The following CDH13 variants were observed in gnomAD, a reference collection of about 807,000 sequenced individuals.
CDH13 encodes the protein cadherin-13.
Under a neutral mutation model 63.8 loss-of-function variants are expected in CDH13, and 24 were observed. The observed-to-expected ratio is 0.38, with a 90% CI of 0.27 to 0.53. The LOEUF is 0.53. Ranked by LOEUF, CDH13 falls within the 20% of genes least tolerant of loss-of-function variation. The pLI, the probability that CDH13 is intolerant of heterozygous loss-of-function variation, is 0.85. For missense variants in CDH13, 1,049 were observed against 903.1 expected, an observed-to-expected ratio of 1.16 and a Z score of -2.07; for synonymous variants, 503 against 355.3, an observed-to-expected ratio of 1.42 and a Z score of -4.67.
chr16:83,206,440 G>C (rs994152328), intron 4 of CDH13, among the ~76,000 whole-genome samples: 1 of 152,108 alleles, frequency 6.6e-6, no homozygotes, highest in Admixed American at 6.5e-5. Flanking sequence ...GTGCTGCAAT[G>C]GCAGATCCCT....
rs72805917 is a variant in CDH13 at position 82,746,871 on chromosome 16, T to A, written c.46-111491T>A. The stretch of plus-strand genomic sequence containing the variant: ...TTGTAACGATCACTTATAATGTAAC[T>A]CCCTGGAATATTAAAACAATTGTTA... On this transcript the variant is annotated intron_variant, in intron 1 of 13. Transcript: ENST00000567109. 3.6e-3 allele frequency among the ~76,000 whole-genome samples: 544 copies of A among 152,280 alleles called. 4 individuals are homozygous for A. Among genetic ancestry groups the A allele is most frequent in the Middle Eastern group, 6.8e-3 (2 of 294 alleles).
intron 1 of CDH13, among the ~76,000 whole-genome samples, chr16:82,641,085 A>G (rs961519990): frequency 2.6e-5 from 4 of 152,198 alleles, no homozygotes; most frequent in African/African-American, 9.6e-5. Flanking sequence ...TGAGGTGGTC[A>G]CAGTCATGGG....
intron 10 of CDH13, among the ~76,000 whole-genome samples, chr16:83,743,911 C>G (rs555825918): frequency 2.6e-5 from 4 of 152,058 alleles, no homozygotes; most frequent in Admixed American, 1.3e-4. Context: ...ATGAAAAACA[C>G]TGTGTACCGA....
chr16:82,957,322 A>G (rs973925004), intron 2 of CDH13, among the ~76,000 whole-genome samples: 1 of 152,226 alleles, frequency 6.6e-6, no homozygotes, highest in Non-Finnish European at 1.5e-5. Flanking sequence ...TTTATGTAAA[A>G]CTAATCCGAA....
At chr16:83,450,299 G>A (rs572455258) in intron 6 of CDH13, among the ~76,000 whole-genome samples, 3 of 152,220 alleles carry the variant, frequency 2.0e-5, no homozygotes, top group Admixed American at 1.3e-4. Context: ...TGAGTGTGGA[G>A]TGCAGCTTGT....
intron 5 of CDH13, among the ~76,000 whole-genome samples, chr16:83,228,603 G>C (rs1389910209): frequency 6.6e-6 from 1 of 152,230 alleles, no homozygotes; most frequent in Non-Finnish European, 1.5e-5. Flanking sequence ...GGAATGACAG[G>C]AGACAGAGAC....
chr16:82,912,603 G>C (rs537126593), intron 2 of CDH13, among the ~76,000 whole-genome samples: 2 of 152,302 alleles, frequency 1.3e-5, no homozygotes, highest in African/African-American at 4.8e-5. Flanking sequence ...ATTGACCCTA[G>C]GGAGGAAGAA....
At chr16:83,223,302 A>T (rs1455816055) in intron 5 of CDH13, among the ~76,000 whole-genome samples, 1 of 152,214 alleles carries the variant, frequency 6.6e-6, no homozygotes, top group African/African-American at 2.4e-5. Context: ...CTGAATTCTC[A>T]TATGGCAGAA....
chr16:83,275,851 AG>A (rs2088970434), intron 5 of CDH13, among the ~76,000 whole-genome samples: 1 of 152,206 alleles, frequency 6.6e-6, no homozygotes. Context: ...GGGTGAGGGA[AG>A]GGTCACAAAT....
chr16:83,207,244 C>A (rs1330258827), intron 4 of CDH13, among the ~76,000 whole-genome samples: 3 of 152,200 alleles, frequency 2.0e-5, no homozygotes, highest in Non-Finnish European at 4.4e-5. Context: ...GCTAACTCCC[C>A]ATTCACTGCC....
At chr16:83,457,561 C>A (rs1414865592) in intron 6 of CDH13, among the ~76,000 whole-genome samples, 1 of 152,172 alleles carries the variant, frequency 6.6e-6, no homozygotes, top group African/African-American at 2.4e-5. Context: ...TTGTCATCAT[C>A]ATCATCTACC....
chr16:82,993,628 T>A (rs1911892632), intron 2 of CDH13, among the ~76,000 whole-genome samples: 1 of 152,200 alleles, frequency 6.6e-6, no homozygotes, highest in Admixed American at 6.5e-5. Context: ...TAAAGACATG[T>A]TATATCAGAC....
At chr16:83,285,286 T>G (rs1234010175) in intron 5 of CDH13, among the ~76,000 whole-genome samples, 1 of 152,152 alleles carries the variant, frequency 6.6e-6, no homozygotes, top group African/African-American at 2.4e-5. Context: ...AGAGACCTGG[T>G]CCTAGTCAAT....
chr16:83,714,763 A>G (rs780605936), intron 10 of CDH13, among the ~76,000 whole-genome samples: 30 of 152,156 alleles, frequency 2.0e-4, no homozygotes, highest in Non-Finnish European at 3.7e-4. Flanking sequence ...GCTTTTCTAT[A>G]GAAGACAGAA....
intron 1 of CDH13, among the ~76,000 whole-genome samples, chr16:82,754,709 A>G (rs946102672): frequency 6.6e-6 from 1 of 152,204 alleles, no homozygotes. Flanking sequence ...TACGATGATT[A>G]TATGGCAAAA....
intron 1 of CDH13, among the ~76,000 whole-genome samples, chr16:82,813,965 C>T (rs890942492): frequency 1.3e-5 from 2 of 152,210 alleles, no homozygotes; most frequent in South Asian, 4.2e-4. Flanking sequence ...ATTGTCGAGA[C>T]CCATCTATTC....
chr16:83,049,498 C>A (rs1471429521), intron 3 of CDH13, among the ~76,000 whole-genome samples: 2 of 151,896 alleles, frequency 1.3e-5, no homozygotes, highest in African/African-American at 2.4e-5. Context: ...CCACACCCAG[C>A]TAATTTTTTG....
chr16:82,938,182 G>A (rs771522508), intron 2 of CDH13, among the ~76,000 whole-genome samples: 1 of 152,148 alleles, frequency 6.6e-6, no homozygotes, highest in East Asian at 1.9e-4. Context: ...AGTTACACAG[G>A]CAATAGCTTT....
At chr16:83,791,363 G>T (rs767987005) in intron 13 of CDH13, among the ~76,000 whole-genome samples, 3 of 152,064 alleles carry the variant, frequency 2.0e-5, no homozygotes, top group Non-Finnish European at 4.4e-5. Context: ...GGGCACGGTG[G>T]CACACACCTG....
Sources: allele counts gnomAD v4.1 joint callset (sites outside exome capture counted in the v4.1 genomes callset), GRCh38; gene constraint gnomAD v4.1.1; transcripts MANE v1.5; gene names NCBI Gene and HGNC (gene_info 2026-07-23, HGNC 2026-07-21).